Variants in TLK2 observed in about 807,000 individuals in gnomAD.
TLK2 encodes the protein tousled like kinase 2.
A neutral mutation model predicts 117.3 loss-of-function variants in TLK2; 6 were observed. That is an observed-to-expected ratio of 0.05 (90% CI 0.03 to 0.10). The LOEUF (loss-of-function observed/expected upper bound fraction) is 0.10, where lower values mean the gene tolerates loss of function less well. TLK2 is among the 10% of genes least tolerant of loss of function. TLK2 has a pLI of 1.00. For synonymous variants in TLK2, 257 were observed against 316.7 expected, an observed-to-expected ratio of 0.81 and a Z score of 2.00; for missense variants, 299 against 901.2, an observed-to-expected ratio of 0.33 and a Z score of 8.56.
rs1023743276 is a variant in TLK2, at chr17:62,535,165, G to C, written c.364-1005G>C. ...GGCCTCCCAAAGTACTGGGATTACA[G>C]GCATGAGCCATTGTGCCTTGCCAAT... is the stretch of plus-strand genomic sequence containing the variant. On this transcript the variant is annotated intron_variant, in intron 6 of 21. Transcript: ENST00000346027. Among the ~76,000 whole-genome samples the C allele has an allele frequency of 5.3e-5, 8 of 152,060 alleles. No homozygotes were observed. In the South Asian group the frequency reaches 8.3e-4, roughly 16 times the overall value.
chr17:62,580,097 C>A lies in TLK2; in HGVS notation c.1287-14C>A. The A allele has an allele frequency of 6.2e-7, 1 of 1,609,386 alleles. No homozygotes were observed. The highest frequency in any genetic ancestry group is 1.7e-4 in the Middle Eastern group (1 of 6,042). On this transcript the variant is annotated splice_polypyrimidine_tract_variant and intron_variant, in intron 14 of 21. Coordinates refer to ENST00000346027, the MANE Select transcript of TLK2 (RefSeq NM_006852.6). Reference sequence around the variant, plus strand: ...CCATGATCTCAGGGTGTTACATGTTCCCTGTTTCCACAGATTTAAAGATCA... The same window carrying A: ...CCATGATCTCAGGGTGTTACATGTTACCTGTTTCCACAGATTTAAAGATCA...
intron 7 of TLK2, chr17:62,550,569 G>A (rs2078375419): frequency 1.3e-5 from 2 of 152,210 alleles, no homozygotes; most frequent in East Asian, 3.8e-4. Context: ...AATAGTCATT[G>A]AATGTATACA....
intron 2 of TLK2, among the ~76,000 whole-genome samples, chr17:62,506,811 A>G (rs968513305): frequency 2.0e-5 from 3 of 152,332 alleles, no homozygotes; most frequent in Admixed American, 6.5e-5. Flanking sequence ...AAAAACATAG[A>G]TTATAGGCCC....
At chr17:62,495,103 G>A (rs927536761) in intron 2 of TLK2, among the ~76,000 whole-genome samples, 16 of 152,030 alleles carry the variant, frequency 1.1e-4, no homozygotes, top group Non-Finnish European at 1.8e-4. Flanking sequence ...GGAGGCGGAG[G>A]TTGCTGTGAG....
chr17:62,485,049 A>T (rs1463881881), intron 2 of TLK2, among the ~76,000 whole-genome samples: 1 of 152,108 alleles, frequency 6.6e-6, no homozygotes, highest in Non-Finnish European at 1.5e-5. Context: ...AAACAAAACA[A>T]AAAAAGAATA....
At chr17:62,585,617 T>C (rs931891396) in intron 15 of TLK2, 4 of 152,442 alleles carry the variant, frequency 2.6e-5, no homozygotes, top group African/African-American at 9.6e-5. Flanking sequence ...TTTTTGTTCT[T>C]GTTTCTCTTT....
intron 2 of TLK2, among the ~76,000 whole-genome samples, chr17:62,486,095 C>CA (rs1471020666): frequency 6.6e-6 from 1 of 151,974 alleles, no homozygotes; most frequent in Non-Finnish European, 1.5e-5. Flanking sequence ...GCTGGGATTA[C>CA]AGGTATGGGC....
chr17:62,486,183 G>T (rs1284524228), intron 2 of TLK2, among the ~76,000 whole-genome samples: 2 of 150,132 alleles, frequency 1.3e-5, no homozygotes, highest in East Asian at 4.0e-4. Flanking sequence ...TTGAGACGGG[G>T]TCTCACTCTG....
chr17:62,553,889 A>G, intron 9 of TLK2, 134 bp downstream of exon 9: 4 of 609,684 alleles, frequency 6.6e-6, no homozygotes, highest in Non-Finnish European at 1.1e-5. Context: ...TTTTTCTTTA[A>G]TTGAGGGAAT....
chr17:62,538,320 C>A (rs891763307), intron 7 of TLK2, among the ~76,000 whole-genome samples: 5 of 152,168 alleles, frequency 3.3e-5, no homozygotes, highest in African/African-American at 1.2e-4. Context: ...CAGGCATGAG[C>A]CACCGCGCCT....
At position 62,487,198 on chromosome 17, in the gene TLK2, G is replaced by A. The variant is rs1176615762; in HGVS notation, c.81+5992G>A. Reference sequence around the variant, plus strand: ...TCCCAGCTACTCAGGAGGCTAAGGCGGGAGAATCACTTGAACCAGGGAGTC... The same window carrying A: ...TCCCAGCTACTCAGGAGGCTAAGGCAGGAGAATCACTTGAACCAGGGAGTC... On this transcript the variant is annotated intron_variant, in intron 2 of 21. Coordinates refer to ENST00000346027, the MANE Select transcript of TLK2 (RefSeq NM_006852.6). Among the ~76,000 whole-genome samples, 4 of 151,910 alleles carry A rather than the reference G, an allele frequency of 2.6e-5. No homozygotes were observed. The East Asian group carries it at 5.8e-4, about 22-fold the overall frequency.
intron 9 of TLK2, among the ~76,000 whole-genome samples, chr17:62,557,770 T>G (rs1269793051): frequency 1.3e-5 from 2 of 152,218 alleles, no homozygotes; most frequent in Non-Finnish European, 2.9e-5. Context: ...TCTTTAAGAT[T>G]GAGATGACAG....
chr17:62,558,463 G>A (rs575650469), intron 9 of TLK2, among the ~76,000 whole-genome samples: 6 of 152,242 alleles, frequency 3.9e-5, no homozygotes, highest in African/African-American at 1.4e-4. Context: ...CTCACCAGCT[G>A]CCAGCTGTTA....
At chr17:62,612,224 T>C in intron 21 of TLK2, 168 bp from the exon 22 acceptor site, 1 of 611,878 alleles carries the variant, frequency 1.6e-6, no homozygotes, top group Non-Finnish European at 2.7e-6. Flanking sequence ...GTGCTTCTCC[T>C]TCCCTTGTGT....
At chr17:62,534,881 CTTTTT>C (rs386386398) in intron 6 of TLK2, among the ~76,000 whole-genome samples, 2 of 72,988 alleles carry the variant, frequency 2.7e-5, no homozygotes, top group African/African-American at 1.2e-4. Flanking sequence ...TAATTCCAGT[CTTTTT>C]TTTTTTTTTT....
intron 7 of TLK2, among the ~76,000 whole-genome samples, chr17:62,541,665 G>A (rs1024260660): frequency 3.6e-4 from 55 of 152,168 alleles, no homozygotes; most frequent in African/African-American, 1.1e-3. Flanking sequence ...GGGTACGGTG[G>A]CTATTTACAG....
At chr17:62,477,346 G>T (rs918514149), upstream of TLK2, 9 of 152,198 alleles carry the variant, frequency 5.9e-5, no homozygotes, top group Admixed American at 4.6e-4. Context: ...TTGGGAATAT[G>T]CATGTCCAAC....
chr17:62,560,246 G>A (rs1332494015), intron 10 of TLK2, 120 bp downstream of exon 10: 10 of 735,842 alleles, frequency 1.4e-5, no homozygotes, highest in Non-Finnish European at 2.0e-5. Flanking sequence ...TTAGGAACAT[G>A]ATTTGACAAT....
chr17:62,543,235 C>T (rs1240548250), intron 7 of TLK2, among the ~76,000 whole-genome samples: 2 of 152,144 alleles, frequency 1.3e-5, no homozygotes, highest in African/African-American at 4.8e-5. Flanking sequence ...CAGTTGGTCA[C>T]GGCTTTATCC....
Sources: allele counts gnomAD v4.1 joint callset (sites outside exome capture counted in the v4.1 genomes callset), GRCh38; gene constraint gnomAD v4.1.1; transcripts MANE v1.5; gene names NCBI Gene and HGNC (gene_info 2026-07-23, HGNC 2026-07-21).